Variants in WFDC3 observed in about 807,000 individuals in gnomAD.
WFDC3 encodes WAP four-disulfide core domain protein 3.
A neutral mutation model predicts 25.8 loss-of-function variants in WFDC3; 15 were observed. That is an observed-to-expected ratio of 0.58 (90% CI 0.39 to 0.89). The LOEUF (loss-of-function observed/expected upper bound fraction) is 0.89. Ranked by LOEUF, WFDC3 falls within the 40% of genes least tolerant of loss-of-function variation. WFDC3 has a pLI of 0.00. For missense variants in WFDC3, 264 were observed against 289.8 expected, an observed-to-expected ratio of 0.91 and a Z score of 0.65; for synonymous variants, 103 against 107.1, an observed-to-expected ratio of 0.96 and a Z score of 0.24.
intron 4 of WFDC3, among the ~76,000 whole-genome samples, chr20:45,780,534 C>T (rs1260169394): frequency 1.3e-5 from 2 of 152,188 alleles, no homozygotes; most frequent in Non-Finnish European, 1.5e-5. Flanking sequence ...CCTCATAAGA[C>T]ATGCTCCCTA....
intron 4 of WFDC3, among the ~76,000 whole-genome samples, chr20:45,781,816 T>A (rs1489265748): frequency 6.6e-6 from 1 of 152,168 alleles, no homozygotes; most frequent in Non-Finnish European, 1.5e-5. Context: ...AGTGAACCAC[T>A]CTTATCAGTT....
intron 1 of WFDC3, among the ~76,000 whole-genome samples, chr20:45,791,174 T>A (rs1448593190): frequency 5.3e-5 from 1 of 18,994 alleles, no homozygotes; most frequent in African/African-American, 2.2e-4. Flanking sequence ...CCTAATATGC[T>A]TTTTTTTTTT....
intron 5 of WFDC3, among the ~76,000 whole-genome samples, chr20:45,776,331 G>T (rs56729606): frequency 0.037 from 2,441 of 65,546 alleles, 65 homozygotes; most frequent in African/African-American, 0.087. Context: ...TTTCCAGCTG[G>T]GCGTGGTGGC....
chr20:45,783,593 C>T (rs1980542843), intron 4 of WFDC3, among the ~76,000 whole-genome samples: 1 of 151,930 alleles, frequency 6.6e-6, no homozygotes, highest in Admixed American at 6.6e-5. Context: ...AATGAAGGGA[C>T]TTGCCCAAGG....
chr20:45,782,204 C>T (rs1328399755), intron 4 of WFDC3, among the ~76,000 whole-genome samples: 2 of 152,112 alleles, frequency 1.3e-5, no homozygotes, highest in East Asian at 1.9e-4. Flanking sequence ...ACCACCATCA[C>T]CCAACTGCTC....
intron 5 of WFDC3, among the ~76,000 whole-genome samples, chr20:45,776,318 G>GTGTGTGTGTGTGTGTGTGTGTGTA (rs58644271): frequency 1.3e-3 from 182 of 139,884 alleles, no homozygotes; most frequent in Middle Eastern, 3.9e-3. Context: ...GTGTGTGTGT[G>GTGTGTGTGTGTGTGTGTGTGTGTA]TGTTTCCAGC....
At chr20:45,775,009 T>A (rs1484574108) in intron 6 of WFDC3, among the ~76,000 whole-genome samples, 1 of 147,152 alleles carries the variant, frequency 6.8e-6, no homozygotes, top group Non-Finnish European at 1.5e-5. Context: ...ACTCCTCACC[T>A]CCCAAACATA....
At chr20:45,775,715 C>A in intron 5 of WFDC3, 113 bp from the exon 6 acceptor site, 2 of 1,316,812 alleles carry the variant, frequency 1.5e-6, no homozygotes, top group South Asian at 2.8e-5. Flanking sequence ...CTGACCCTCA[C>A]TAGACCCAAC....
At chr20:45,782,068 G>A (rs1980470108) in intron 4 of WFDC3, among the ~76,000 whole-genome samples, 1 of 152,180 alleles carries the variant, frequency 6.6e-6, no homozygotes, top group East Asian at 1.9e-4. Context: ...GGGATCTGGA[G>A]TGGTCAGGTT....
chr20:45,790,070 G>T, intron 1 of WFDC3, 88 bp from the exon 2 acceptor site: 2 of 976,990 alleles, frequency 2.0e-6, no homozygotes. Flanking sequence ...ACTAGGGATG[G>T]CCCCAAACCC....
intron 4 of WFDC3, among the ~76,000 whole-genome samples, chr20:45,779,352 C>T (rs1414520420): frequency 3.9e-5 from 6 of 152,230 alleles, no homozygotes; most frequent in Non-Finnish European, 8.8e-5. Flanking sequence ...ATACAGCTGG[C>T]TCTGGGAAGT....
chr20:45,775,537 T>A lies in WFDC3; in HGVS notation c.559A>T (p.Asn187Tyr), dbSNP rs766647549. ...LCIVGCVMDE[N>Y]CQAGEKCCKS... is the part of the protein sequence containing the mutation. ...CAACATTTTTCTCCAGCTTGACAATTCTCATCCATCACACAGCCAACAATG... is the reference window on the plus strand; with the variant it reads ...CAACATTTTTCTCCAGCTTGACAATACTCATCCATCACACAGCCAACAATG... The change falls in exon 6 of 7, where the codon AAT (asparagine) becomes TAT (tyrosine). Residue 187 changes from asparagine to tyrosine, a missense_variant. Transcript: ENST00000243938. 6.2e-7 allele frequency: 1 copy of A among 1,614,150 alleles called. No individual in the cohort carries two copies. Among genetic ancestry groups the A allele is most frequent in the Non-Finnish European group, 8.5e-7 (1 of 1,180,020 alleles).
chr20:45,783,306 T>C (rs1980530141), intron 4 of WFDC3, among the ~76,000 whole-genome samples: 1 of 152,096 alleles, frequency 6.6e-6, no homozygotes, highest in Admixed American at 6.5e-5. Context: ...GCAGGTTTAC[T>C]GCAGACTTTT....
chr20:45,786,385 C>T (rs1201912270), intron 4 of WFDC3, among the ~76,000 whole-genome samples: 1 of 152,178 alleles, frequency 6.6e-6, no homozygotes, highest in Non-Finnish European at 1.5e-5. Flanking sequence ...CAGAGCAAGA[C>T]TGTCAAAAAA....
intron 4 of WFDC3, among the ~76,000 whole-genome samples, chr20:45,784,008 G>A (rs1367413992): frequency 2.0e-5 from 3 of 152,224 alleles, no homozygotes; most frequent in Non-Finnish European, 4.4e-5. Flanking sequence ...TGCCTGCCAA[G>A]CTCCAGTGGA....
intron 5 of WFDC3, among the ~76,000 whole-genome samples, chr20:45,775,906 AG>A (rs1352689696): frequency 6.6e-6 from 1 of 152,046 alleles, no homozygotes; most frequent in Non-Finnish European, 1.5e-5. Flanking sequence ...CAAGCCTCCC[AG>A]ACCACTCCCC....
chr20:45,779,691 C>T (rs565245312), intron 4 of WFDC3, among the ~76,000 whole-genome samples: 2 of 152,138 alleles, frequency 1.3e-5, no homozygotes, highest in Non-Finnish European at 2.9e-5. Flanking sequence ...GTGACATAAA[C>T]ATCTCATAAA....
In WFDC3 at chr20:45,783,832, T is replaced by C. The variant is rs541827259; in HGVS notation, c.358+4004A>G. Among the ~76,000 whole-genome samples the C allele has an allele frequency of 1.2e-4, 19 of 152,278 alleles. No individual in the cohort carries two copies. The South Asian group carries it at 3.3e-3, about 27-fold the overall frequency. On this transcript the variant is annotated intron_variant, in intron 4 of 6. Coordinates refer to ENST00000243938, the MANE Select transcript of WFDC3 (RefSeq NM_080614.2). ...GGAGAGCTTCCTGTAGAGTTGGGTA[T>C]AGCAACCAGTCCTGTTGGGTGAGTA... is the stretch of plus-strand genomic sequence containing the variant.
In WFDC3 at chr20:45,791,850, T is replaced by C; in HGVS notation, c.-26A>G. ...CACCTACAAGGCCTCTAAGTGTAAC[T>C]GTCCTGGGCGAGGCGCGGCGGTTCG... On this transcript the variant is annotated 5_prime_UTR_variant, in exon 1 of 7. Coordinates refer to ENST00000243938, the MANE Select transcript of WFDC3 (RefSeq NM_080614.2). 1 of 465,082 alleles carries C rather than the reference T, an allele frequency of 2.2e-6. No individual in the cohort carries two copies. The highest frequency in any genetic ancestry group is 3.5e-6 in the Non-Finnish European group (1 of 288,092). The allele number at this position is 465,082 out of a possible 1,614,324, so 28.8% of individuals were successfully genotyped here.
Sources: allele counts gnomAD v4.1 joint callset (sites outside exome capture counted in the v4.1 genomes callset), GRCh38; gene constraint gnomAD v4.1.1; transcripts MANE v1.5; gene names NCBI Gene and HGNC (gene_info 2026-07-23, HGNC 2026-07-21).